Variants in CCSER1 observed in about 807,000 individuals in gnomAD.
CCSER1 encodes the protein serine-rich coiled-coil domain-containing protein 1.
In CCSER1, 41 loss-of-function variants were observed where a neutral mutation model predicts 82.0. The ratio of observed to expected loss-of-function variants is 0.50; its 90% CI spans 0.39 to 0.65. CCSER1 has a LOEUF of 0.65. Ranked by LOEUF, CCSER1 falls within the 30% of genes least tolerant of loss-of-function variation. The pLI, the probability that CCSER1 is intolerant of heterozygous loss-of-function variation, is 0.00. For missense variants in CCSER1, 1,119 were observed against 1,064.2 expected (o/e 1.05, Z -0.72); for synonymous variants, 414 against 383.9 (o/e 1.08, Z -0.92).
chr4:91,400,714 C>T (rs1219223311), intron 10 of CCSER1, among the ~76,000 whole-genome samples: 1 of 151,408 alleles, frequency 6.6e-6, no homozygotes, highest in East Asian at 1.9e-4. Context: ...ATCTGTATAG[C>T]ATCCCTAAAT....
At chr4:90,574,251 A>ATTTTTTT (rs777629017) in intron 5 of CCSER1, among the ~76,000 whole-genome samples, 7 of 86,074 alleles carry the variant, frequency 8.1e-5, no homozygotes, top group African/African-American at 2.4e-4. Context: ...AAACACATTA[A>ATTTTTTT]TTTTTTTTTT....
intron 3 of CCSER1, among the ~76,000 whole-genome samples, chr4:90,355,862 AGG>A (rs1302950743): frequency 2.0e-5 from 3 of 151,988 alleles, no homozygotes; most frequent in African/African-American, 4.8e-5. Context: ...TGGCTGCCAA[AGG>A]GATATTGTAA....
chr4:91,479,715 CTTT>C (rs1158515785), intron 10 of CCSER1, among the ~76,000 whole-genome samples: 1 of 105,818 alleles, frequency 9.5e-6, no homozygotes, highest in African/African-American at 3.2e-5. Flanking sequence ...TTTTTTCTTT[CTTT>C]TTTATTTATT....
At chr4:90,574,841 T>C (rs1285756573) in intron 5 of CCSER1, among the ~76,000 whole-genome samples, 1 of 152,142 alleles carries the variant, frequency 6.6e-6, no homozygotes, top group Non-Finnish European at 1.5e-5. Context: ...AATATAATAA[T>C]TTCTCCCTCC....
chr4:90,459,011 T>G (rs1762531560), intron 4 of CCSER1, among the ~76,000 whole-genome samples: 1 of 152,190 alleles, frequency 6.6e-6, no homozygotes, highest in Non-Finnish European at 1.5e-5. Context: ...ATCTATTGTA[T>G]GCATATGTAT....
intron 10 of CCSER1, among the ~76,000 whole-genome samples, chr4:91,101,431 T>C (rs1399013605): frequency 6.6e-6 from 1 of 152,206 alleles, no homozygotes; most frequent in African/African-American, 2.4e-5. Context: ...CTTAAGAACC[T>C]GGTTTAAGAC....
chr4:91,462,204 G>A (rs1756545569), intron 10 of CCSER1, among the ~76,000 whole-genome samples: 1 of 152,102 alleles, frequency 6.6e-6, no homozygotes, highest in Admixed American at 6.5e-5. Flanking sequence ...GAGATTGAAA[G>A]AAAATTTTCA....
intron 5 of CCSER1, among the ~76,000 whole-genome samples, chr4:90,548,780 A>G (rs1777105602): frequency 6.6e-6 from 1 of 151,930 alleles, no homozygotes; most frequent in Admixed American, 6.6e-5. Flanking sequence ...ATACACACAC[A>G]TACACACACA....
At chr4:91,398,231 A>G (rs1216891064) in intron 10 of CCSER1, among the ~76,000 whole-genome samples, 2 of 151,928 alleles carry the variant, frequency 1.3e-5, no homozygotes, top group Non-Finnish European at 2.9e-5. Context: ...TTTTGTCTTC[A>G]TTATTATTAA....
chr4:91,551,697 ACACAAT>A (rs1762168572), intron 10 of CCSER1, among the ~76,000 whole-genome samples: 1 of 142,874 alleles, frequency 7.0e-6, no homozygotes, highest in Non-Finnish European at 1.5e-5. Context: ...ACACACACAC[ACACAAT>A]CAGTCAAGGC....
intron 1 of CCSER1, among the ~76,000 whole-genome samples, chr4:90,219,907 A>G (rs535922834): frequency 1.3e-5 from 2 of 152,334 alleles, no homozygotes; most frequent in East Asian, 3.9e-4. Flanking sequence ...AATAATGATA[A>G]GTAAAATATT....
At chr4:90,377,134 C>T (rs1327888029) in intron 3 of CCSER1, among the ~76,000 whole-genome samples, 2 of 152,050 alleles carry the variant, frequency 1.3e-5, no homozygotes, top group African/African-American at 4.8e-5. Flanking sequence ...GTGTCTGTAC[C>T]AGGATTTTTA....
At position 90,631,054 on chromosome 4, in the gene CCSER1, C is replaced by T. The variant is rs368055724; in HGVS notation, c.1932+2822C>T. ...GACAACAGGCACCTGCCACCATGCC[C>T]GGCTAATTTTATGTATTTTTAGTAG... On this transcript the variant is annotated intron_variant, in intron 6 of 10. Coordinates refer to ENST00000509176, the MANE Select transcript of CCSER1 (RefSeq NM_001145065.2). Among the ~76,000 whole-genome samples, 36 of 151,862 alleles carry T rather than the reference C, an allele frequency of 2.4e-4. 1 individual carries two copies. Among genetic ancestry groups the T allele is most frequent in the African/African-American group, 8.4e-4 (35 of 41,448 alleles).
intron 10 of CCSER1, among the ~76,000 whole-genome samples, chr4:91,564,055 T>C (rs1223799816): frequency 6.6e-6 from 1 of 151,796 alleles, no homozygotes; most frequent in Non-Finnish European, 1.5e-5. Flanking sequence ...CCCCCATTAA[T>C]AGACCCCAGT....
intron 1 of CCSER1, among the ~76,000 whole-genome samples, chr4:90,153,454 T>A (rs1727313756): frequency 6.6e-6 from 1 of 152,116 alleles, no homozygotes; most frequent in Admixed American, 6.6e-5. Flanking sequence ...CCCTGAGGAA[T>A]CGCCACACTG....
rs771938534 is a variant in CCSER1, at chr4:90,130,673, G to T, written c.-42+2842G>T. On this transcript the variant is annotated intron_variant, in intron 1 of 10. Transcript: ENST00000509176. ...GATTTTTGCTCTGTCACCCAGGCTG[G>T]ATTTCAGTGGCGCTACCTCGGCTCA... Among the ~76,000 whole-genome samples, 123 of 152,048 alleles carry T rather than the reference G, an allele frequency of 8.1e-4. 3 individuals are homozygous for T. The highest frequency in any genetic ancestry group is 8.5e-4 in the Admixed American group (13 of 15,266).
rs146918645 is a variant in CCSER1 at position 90,777,433 on chromosome 4, C to T, written c.2011-38329C>T. Among the ~76,000 whole-genome samples the T allele has an allele frequency of 1.3e-3, 191 of 148,660 alleles. 2 individuals carry two copies. In the East Asian group the frequency reaches 0.024, roughly 19 times the overall value. On this transcript the variant is annotated intron_variant, in intron 7 of 10. Coordinates refer to ENST00000509176, the MANE Select transcript of CCSER1 (RefSeq NM_001145065.2). Reference sequence around the variant, plus strand: ...CCTCACACTTAGTACTTCCTATTTTCCTCCTTGACTTAGTTTTCTTCTGAT... The same window carrying T: ...CCTCACACTTAGTACTTCCTATTTTTCTCCTTGACTTAGTTTTCTTCTGAT...
chr4:91,187,465 A>C (rs1734652341), intron 10 of CCSER1, among the ~76,000 whole-genome samples: 1 of 152,240 alleles, frequency 6.6e-6, no homozygotes, highest in South Asian at 2.1e-4. Flanking sequence ...ATAACTTAAG[A>C]TGTTTCCCCA....
chr4:90,823,890 A>T (rs1760099783), intron 8 of CCSER1, among the ~76,000 whole-genome samples: 1 of 151,960 alleles, frequency 6.6e-6, no homozygotes. Context: ...ATTAAAATTT[A>T]CTTTTTACTT....
Sources: gnomAD v4.1 joint callset for allele counts (sites outside exome capture counted in the v4.1 genomes callset) on GRCh38, gnomAD v4.1.1 for gene constraint, MANE v1.5 for transcripts, NCBI Gene and HGNC (gene_info 2026-07-23, HGNC 2026-07-21) for gene names.